Variants in VPS37C observed in about 807,000 individuals in gnomAD.
The protein encoded by VPS37C is vacuolar protein sorting-associated protein 37C.
In VPS37C, 9 loss-of-function variants were observed where a neutral mutation model predicts 16.1. The observed-to-expected ratio is 0.56, with a 90% CI of 0.34 to 0.97. The LOEUF is 0.97. Among genes scored for constraint, VPS37C ranks in the 50% least tolerant of loss-of-function variants. VPS37C has a pLI of 0.02. For missense variants in VPS37C, 479 were observed against 472.7 expected (o/e 1.01, Z -0.12); for synonymous variants, 207 against 206.4 (o/e 1.00, Z -0.02).
At chr11:61,150,353 C>T (rs1853278390) in intron 1 of VPS37C, among the ~76,000 whole-genome samples, 1 of 152,092 alleles carries the variant, frequency 6.6e-6, no homozygotes, top group South Asian at 2.1e-4. Context: ...CCACCAGGCT[C>T]CCCGGATGAA....
intron 1 of VPS37C, among the ~76,000 whole-genome samples, chr11:61,153,801 A>G (rs1222775397): frequency 2.0e-5 from 3 of 152,192 alleles, no homozygotes; most frequent in Non-Finnish European, 4.4e-5. Context: ...CAGAGAGGAA[A>G]GGGCCACACA....
rs182442674 is a variant in VPS37C, at chr11:61,157,598, T to C, written c.-7+3793A>G. Among the ~76,000 whole-genome samples the C allele has an allele frequency of 7.9e-4, 120 of 152,356 alleles. 1 individual carries two copies. The highest frequency in any genetic ancestry group is 2.7e-3 in the African/African-American group (113 of 41,578). On this transcript the variant is annotated intron_variant, in intron 1 of 4. Transcript: ENST00000301765. ...TTTTGAATCGGGTTGTTTTTTGTTG[T>C]TGGGTAGTAGAAGTTCTTTACATAC...
chr11:61,159,566 G>A (rs1485489610), intron 1 of VPS37C, among the ~76,000 whole-genome samples: 2 of 151,938 alleles, frequency 1.3e-5, no homozygotes, highest in African/African-American at 2.4e-5. Context: ...AGGCCAAAGC[G>A]GGTGGATCAC....
intron 1 of VPS37C, among the ~76,000 whole-genome samples, chr11:61,154,389 C>G (rs1853347752): frequency 6.6e-6 from 1 of 151,866 alleles, no homozygotes; most frequent in African/African-American, 2.4e-5. Context: ...TTAAAAGACC[C>G]AAATCAAACT....
intron 1 of VPS37C, among the ~76,000 whole-genome samples, chr11:61,151,793 A>G (rs749478764): frequency 6.6e-6 from 1 of 152,220 alleles, no homozygotes; most frequent in South Asian, 2.1e-4. Context: ...GACCAACAGC[A>G]TTCAGCGTCA....
chr11:61,146,854 C>T (rs576648643), intron 1 of VPS37C, among the ~76,000 whole-genome samples: 17 of 152,274 alleles, frequency 1.1e-4, no homozygotes, highest in Admixed American at 1.0e-3. Context: ...TTCACCCCCA[C>T]CAGAGGTCCC....
rs1267153163 is a variant in VPS37C at position 61,131,943 on chromosome 11, A to AG, written c.944dup (p.Gln316SerfsTer136). On this transcript the variant is annotated frameshift_variant, in exon 5 of 5. Transcript: ENST00000301765. LOFTEE classifies it low-confidence loss of function (END_TRUNC). The stretch of plus-strand genomic sequence containing the variant: ...GCTGGCCTGGAAAGCTGGGGAGCTG[A>AG]GGCTGTATTGGGTAGGGAGGTTTTC... The AG allele has an allele frequency of 5.4e-6, 7 of 1,294,900 alleles. No homozygotes were observed. The highest frequency in any genetic ancestry group is 6.9e-6 in the Non-Finnish European group (7 of 1,014,778). The allele number at this position is 1,294,900 out of a possible 1,614,324, so 80.2% of individuals were successfully genotyped here. A position where few individuals can be genotyped will look rare whatever the true frequency, so the allele number is the denominator to read the frequency against.
Position 61,131,336 on chromosome 11 carries a change from A to C in VPS37C, c.*484T>G. ...CCAACCCCTGCCACAGTGCATGGGC[A>C]GGCTAGCCTTGAATGGACTGGACAG... On this transcript the variant is annotated 3_prime_UTR_variant, in exon 5 of 5. Coordinates refer to ENST00000301765, the MANE Select transcript of VPS37C (RefSeq NM_017966.5). 6.3e-6 allele frequency: 1 copy of C among 158,056 alleles called. No individual in the cohort carries two copies. Among genetic ancestry groups the C allele is most frequent in the Non-Finnish European group, 1.4e-5 (1 of 72,258 alleles). 9.8% of individuals were successfully genotyped at this position (158,056 alleles called of 1,614,324 possible).
Position 61,151,479 on chromosome 11 carries a change from T to C in VPS37C, c.-7+9912A>G, listed in dbSNP as rs1304427017. Among the ~76,000 whole-genome samples, 3 of 152,230 alleles carry C rather than the reference T, an allele frequency of 2.0e-5. No individual in the cohort carries two copies. In the East Asian group the frequency reaches 5.8e-4, roughly 29 times the overall value. ...CAGACAGCCCTGCACTCTTGCTTAC[T>C]GTCTGGGGAGACCTTGGGTGGGTAA... is the stretch of plus-strand genomic sequence containing the variant. On this transcript the variant is annotated intron_variant, in intron 1 of 4. Transcript: ENST00000301765.
In VPS37C at chr11:61,146,135, C is replaced by T. The variant is rs1301018541; in HGVS notation, c.-6-7300G>A. Among the ~76,000 whole-genome samples, 7 of 152,340 alleles carry T rather than the reference C, an allele frequency of 4.6e-5. No homozygotes were observed. The South Asian group carries it at 1.2e-3, about 27-fold the overall frequency. On this transcript the variant is annotated intron_variant, in intron 1 of 4. Coordinates refer to ENST00000301765, the MANE Select transcript of VPS37C (RefSeq NM_017966.5). ...GAAGGAGAGAACAAGTCACTGAAGA[C>T]GTGGGGACAGAGAACGGGCATTCTT...
chr11:61,135,071 C>T (rs1331086909), intron 2 of VPS37C, among the ~76,000 whole-genome samples: 2 of 152,214 alleles, frequency 1.3e-5, no homozygotes, highest in Non-Finnish European at 2.9e-5. Context: ...CCTCGGCACC[C>T]GCCACAGGGC....
At chr11:61,133,432 G>A in intron 3 of VPS37C, 95 bp from the exon 4 acceptor site, 3 of 1,259,330 alleles carry the variant, frequency 2.4e-6, no homozygotes, top group Non-Finnish European at 3.3e-6. Flanking sequence ...TCCAGGCCCA[G>A]CCACCACAGC....
At chr11:61,159,901 CAAAAAAAAAAAAA>C (rs35953020) in intron 1 of VPS37C, among the ~76,000 whole-genome samples, 1 of 49,544 alleles carries the variant, frequency 2.0e-5, no homozygotes, top group African/African-American at 8.5e-5. Flanking sequence ...GACTCCGTCT[CAAAAAAAAAAAAA>C]AAAAAAAAAA....
intron 3 of VPS37C, 90 bp from the exon 4 acceptor site, chr11:61,133,427 G>C: frequency 7.6e-7 from 1 of 1,319,514 alleles, no homozygotes; most frequent in Non-Finnish European, 1.1e-6. Flanking sequence ...GTGCATCCAG[G>C]CCCAGCCACC....
At chr11:61,149,626 C>T (rs1003564296) in intron 1 of VPS37C, among the ~76,000 whole-genome samples, 31 of 152,196 alleles carry the variant, frequency 2.0e-4, no homozygotes, top group African/African-American at 5.5e-4. Context: ...TGATCCTGGA[C>T]GGAAGCAAAG....
chr11:61,138,852 A>G lies in VPS37C; in HGVS notation c.-6-17T>C. ...CATCCTTCCCTGTGAACACAGTGAC[A>G]CCAAAGTAACGAACAGGCAGCCCAA... On this transcript the variant is annotated splice_polypyrimidine_tract_variant and intron_variant, in intron 1 of 4. Coordinates refer to ENST00000301765, the MANE Select transcript of VPS37C (RefSeq NM_017966.5). 1 of 1,609,938 alleles carries G rather than the reference A, an allele frequency of 6.2e-7. No homozygotes were observed. Among genetic ancestry groups the G allele is most frequent in the South Asian group, 1.1e-5 (1 of 91,008 alleles).
rs1179181400 is a variant in VPS37C, at chr11:61,131,353, A to G, written c.*467T>C. On this transcript the variant is annotated 3_prime_UTR_variant, in exon 5 of 5. Transcript: ENST00000301765. Reference sequence around the variant, plus strand: ...GCATGGGCAGGCTAGCCTTGAATGGACTGGACAGACACCAACAGCTGCATC... The same window carrying G: ...GCATGGGCAGGCTAGCCTTGAATGGGCTGGACAGACACCAACAGCTGCATC... The G allele has an allele frequency of 6.3e-6, 1 of 157,774 alleles. No individual in the cohort carries two copies. Among genetic ancestry groups the G allele is most frequent in the Non-Finnish European group, 1.4e-5 (1 of 72,226 alleles). The allele number at this position is 157,774 out of a possible 1,614,324, so 9.8% of individuals were successfully genotyped here.
intron 2 of VPS37C, among the ~76,000 whole-genome samples, chr11:61,137,202 A>G (rs1207140658): frequency 6.6e-6 from 1 of 152,078 alleles, no homozygotes; most frequent in Non-Finnish European, 1.5e-5. Context: ...AGCCGTGTCC[A>G]TGTCCCGAAC....
chr11:61,136,251 T>C lies in VPS37C; in HGVS notation c.94-2044A>G, dbSNP rs532156209. Among the ~76,000 whole-genome samples, 100 of 150,892 alleles carry C rather than the reference T, an allele frequency of 6.6e-4. 1 individual carries two copies. Among genetic ancestry groups the C allele is most frequent in the Non-Finnish European group, 9.0e-4 (61 of 67,842 alleles). On this transcript the variant is annotated intron_variant, in intron 2 of 4. Transcript: ENST00000301765. ...CGCAATCTCGGCTCACTTCAACCTC[T>C]GCCTCCTGGGTTCAAGCGATTCTCC...
Sources: gnomAD v4.1 joint callset for allele counts (sites outside exome capture counted in the v4.1 genomes callset) on GRCh38, gnomAD v4.1.1 for gene constraint, MANE v1.5 for transcripts, NCBI Gene and HGNC (gene_info 2026-07-23, HGNC 2026-07-21) for gene names.